The following MYO1E variants were observed in gnomAD, a reference collection of about 807,000 sequenced individuals.
MYO1E encodes unconventional myosin-Ie.
A neutral mutation model predicts 151.1 loss-of-function variants in MYO1E; 68 were observed. The observed-to-expected ratio is 0.45, with a 90% CI of 0.37 to 0.55. The LOEUF (loss-of-function observed/expected upper bound fraction) is 0.55. MYO1E is among the 20% of genes least tolerant of loss of function. MYO1E has a pLI of 0.00. For synonymous variants in MYO1E, 601 were observed against 501.7 expected (o/e 1.20, Z -2.64); for missense variants, 1,363 against 1,389.3 (o/e 0.98, Z 0.30).
intron 18 of MYO1E, among the ~76,000 whole-genome samples, chr15:59,183,726 T>G (rs916193316): frequency 2.6e-5 from 4 of 152,162 alleles, no homozygotes; most frequent in African/African-American, 9.7e-5. Context: ...TACAGTTAAA[T>G]TATATTTGAC....
At chr15:59,221,785 T>C (rs1334798783) in intron 9 of MYO1E, among the ~76,000 whole-genome samples, 2 of 152,204 alleles carry the variant, frequency 1.3e-5, no homozygotes, top group Admixed American at 6.5e-5. Context: ...GGGAAGTGTT[T>C]GCTGTTTCAG....
At chr15:59,145,462 C>T (rs983803039) in intron 26 of MYO1E, among the ~76,000 whole-genome samples, 1 of 152,336 alleles carries the variant, frequency 6.6e-6, no homozygotes, top group South Asian at 2.1e-4. Flanking sequence ...CTACTTCTCA[C>T]TGCAACCTCC....
intron 13 of MYO1E, 127 bp from the exon 14 acceptor site, chr15:59,208,975 C>A: frequency 8.8e-7 from 1 of 1,138,038 alleles, no homozygotes; most frequent in Non-Finnish European, 1.3e-6. Context: ...AGTCAGTATT[C>A]CCCTTCAGGC....
chr15:59,312,077 A>G (rs551909161), intron 1 of MYO1E, among the ~76,000 whole-genome samples: 1 of 152,334 alleles, frequency 6.6e-6, no homozygotes, highest in African/African-American at 2.4e-5. Flanking sequence ...ACTCAGCAAT[A>G]TATTTTCTCT....
At chr15:59,309,659 C>T (rs2080537620) in intron 1 of MYO1E, among the ~76,000 whole-genome samples, 5 of 152,200 alleles carry the variant, frequency 3.3e-5, no homozygotes, top group Admixed American at 3.3e-4. Context: ...CATCTACACT[C>T]CGTTTAGAGA....
chr15:59,366,827 A>G (rs1246553575), intron 1 of MYO1E, among the ~76,000 whole-genome samples: 1 of 152,240 alleles, frequency 6.6e-6, no homozygotes, highest in Non-Finnish European at 1.5e-5. Flanking sequence ...GAATGTGCTT[A>G]TAAGGCTGAG....
intron 4 of MYO1E, among the ~76,000 whole-genome samples, chr15:59,240,960 G>A (rs2080096152): frequency 6.6e-6 from 1 of 152,238 alleles, no homozygotes; most frequent in African/African-American, 2.4e-5. Context: ...TTACAGGGAA[G>A]TCGAGTATAC....
At position 59,273,593 on chromosome 15, in the gene MYO1E, G is replaced by A. The variant is rs76727706; in HGVS notation, c.4-1144C>T. Among the ~76,000 whole-genome samples, 505 of 152,274 alleles carry A rather than the reference G, an allele frequency of 3.3e-3. 2 individuals carry two copies. The highest frequency in any genetic ancestry group is 0.012 in the South Asian group (58 of 4,824). ...CTTCCCAGAAAAGGAGCCATTTGAA[G>A]TAGGTCTAAGATATTTAGAATTTGC... On this transcript the variant is annotated intron_variant, in intron 1 of 27. Transcript: ENST00000288235.
At chr15:59,273,211 A>C (rs919288311) in intron 1 of MYO1E, among the ~76,000 whole-genome samples, 1 of 152,008 alleles carries the variant, frequency 6.6e-6, no homozygotes, top group Non-Finnish European at 1.5e-5. Context: ...TACGTCTGGG[A>C]TTTTTCAGCT....
At chr15:59,213,899 G>A (rs2079897099) in intron 12 of MYO1E, among the ~76,000 whole-genome samples, 1 of 152,064 alleles carries the variant, frequency 6.6e-6, no homozygotes, top group Non-Finnish European at 1.5e-5. Context: ...TCTTTTATTT[G>A]GAACACAATA....
At chr15:59,283,747 A>G (rs1172233400) in intron 1 of MYO1E, among the ~76,000 whole-genome samples, 1 of 151,880 alleles carries the variant, frequency 6.6e-6, no homozygotes, top group East Asian at 1.9e-4. Context: ...CTCAGCTCCC[A>G]CAGCTGGGCT....
chr15:59,345,030 A>G (rs1302154028), intron 1 of MYO1E, among the ~76,000 whole-genome samples: 5 of 152,216 alleles, frequency 3.3e-5, no homozygotes, highest in African/African-American at 1.2e-4. Flanking sequence ...AAAATTTTAA[A>G]TGCCTAACTT....
chr15:59,319,808 C>T (rs1291151578), intron 1 of MYO1E, among the ~76,000 whole-genome samples: 1 of 151,890 alleles, frequency 6.6e-6, no homozygotes, highest in Non-Finnish European at 1.5e-5. Context: ...GAGGTTGAGG[C>T]AGGAGAATCA....
At chr15:59,144,430 G>A (rs141853511) in intron 26 of MYO1E, among the ~76,000 whole-genome samples, 2,059 of 152,192 alleles carry the variant, frequency 0.014, 47 homozygotes, top group Middle Eastern at 0.048. Context: ...GCCTCCCAAA[G>A]TGCTGGGATT....
At chr15:59,265,577 T>C (rs908177185) in intron 2 of MYO1E, among the ~76,000 whole-genome samples, 44 of 152,040 alleles carry the variant, frequency 2.9e-4, no homozygotes, top group African/African-American at 7.5e-4. Context: ...CAGAATGAAA[T>C]GAAGAGGGAA....
At chr15:59,276,478 T>G (rs573082645) in intron 1 of MYO1E, among the ~76,000 whole-genome samples, 1 of 152,132 alleles carries the variant, frequency 6.6e-6, no homozygotes, top group African/African-American at 2.4e-5. Flanking sequence ...TAATGAAAAG[T>G]TACTCTTATC....
rs545575662 is a variant in MYO1E at position 59,206,072 on chromosome 15, C to T, written c.1531-587G>A. ...TAGCACTAGGAAGTCCCCAAGACCA[C>T]GACCTCAACTTAACTTTTTTATCAT... On this transcript the variant is annotated intron_variant, in intron 14 of 27. Coordinates refer to ENST00000288235, the MANE Select transcript of MYO1E (RefSeq NM_004998.4). Among the ~76,000 whole-genome samples the T allele has an allele frequency of 2.0e-5, 3 of 152,162 alleles. No individual in the cohort carries two copies. The South Asian group carries it at 6.2e-4, about 32-fold the overall frequency.
rs144637775 is a variant in MYO1E at position 59,208,762 on chromosome 15, C to T, written c.1449G>A (p.Gln483=). The T allele has an allele frequency of 4.4e-3, 7,084 of 1,614,202 alleles. 41 individuals are homozygous for T. Among genetic ancestry groups the T allele is most frequent in the Non-Finnish European group, 5.0e-3 (5,895 of 1,180,046 alleles). The change falls in exon 14 of 28, where the codon CAG becomes CAA. Residue 483 remains glutamine, a synonymous_variant. Coordinates refer to ENST00000288235, the MANE Select transcript of MYO1E (RefSeq NM_004998.4). The stretch of plus-strand genomic sequence containing the variant: ...GACTCCCAATCTGCATCTGAAGTTT[C>T]TGGAGCAGCGTCTGATCTGCCCCCT... ...VGEGADQTLL[Q]KLQMQIGSHE...
At chr15:59,150,302 C>G (rs1723971506) in intron 26 of MYO1E, among the ~76,000 whole-genome samples, 1 of 152,184 alleles carries the variant, frequency 6.6e-6, no homozygotes, top group Non-Finnish European at 1.5e-5. Flanking sequence ...AGTCTTTAGG[C>G]TGGAGGGTGG....
Sources: gnomAD v4.1 joint callset for allele counts (sites outside exome capture counted in the v4.1 genomes callset) on GRCh38, gnomAD v4.1.1 for gene constraint, MANE v1.5 for transcripts, NCBI Gene and HGNC (gene_info 2026-07-23, HGNC 2026-07-21) for gene names.